SGPL1: variants seen among roughly 807,000 people sequenced by gnomAD.
SGPL1 encodes sphingosine-1-phosphate lyase 1, also known as SP-lyase 1.
Under a neutral mutation model 68.9 loss-of-function variants are expected in SGPL1, and 37 were observed. The observed-to-expected ratio is 0.54, with a 90% CI of 0.41 to 0.71. The LOEUF (loss-of-function observed/expected upper bound fraction) is 0.71. SGPL1 is among the 30% of genes least tolerant of loss of function. The pLI is 0.00. For missense variants in SGPL1, 551 were observed against 704.6 expected (o/e 0.78, Z 2.47); for synonymous variants, 236 against 248.5 (o/e 0.95, Z 0.47).
At chr10:70,840,598 A>G (rs901143661) in intron 2 of SGPL1, among the ~76,000 whole-genome samples, 1 of 152,110 alleles carries the variant, frequency 6.6e-6, no homozygotes, top group Non-Finnish European at 1.5e-5. Context: ...TTCTGTGATC[A>G]ACTAGTTGAC....
At chr10:70,827,753 A>T (rs1338909654) in intron 2 of SGPL1, among the ~76,000 whole-genome samples, 2 of 152,206 alleles carry the variant, frequency 1.3e-5, no homozygotes, top group East Asian at 3.8e-4. Flanking sequence ...ATATTTATGT[A>T]TGAATATACT....
chr10:70,817,582 C>T (rs979542712), intron 2 of SGPL1, among the ~76,000 whole-genome samples: 2 of 152,140 alleles, frequency 1.3e-5, no homozygotes, highest in African/African-American at 4.8e-5. Context: ...GGACTAGGAG[C>T]ACAGGTCACC....
intron 2 of SGPL1, among the ~76,000 whole-genome samples, chr10:70,823,062 A>C (rs1845369490): frequency 6.6e-6 from 1 of 151,742 alleles, no homozygotes; most frequent in Non-Finnish European, 1.5e-5. Context: ...AGTTTAAAAC[A>C]AAGAATCAGC....
intron 8 of SGPL1, among the ~76,000 whole-genome samples, 184 bp downstream of exon 8, chr10:70,868,617 C>G (rs1846236700): frequency 6.6e-6 from 1 of 152,124 alleles, no homozygotes; most frequent in African/African-American, 2.4e-5. Flanking sequence ...CTAAATGGAT[C>G]AGCCAGTTAT....
Position 70,871,100 on chromosome 10 carries a change from C to T in SGPL1, c.863C>T (p.Pro288Leu). 1 of 1,614,010 alleles carries T rather than the reference C, an allele frequency of 6.2e-7. No homozygotes were observed. The highest frequency in any genetic ancestry group is 8.5e-7 in the Non-Finnish European group (1 of 1,179,900). Reference protein sequence around the residue: ...RNTAMLVCSTPQFPHGVIDPV... With the variant: ...RNTAMLVCSTLQFPHGVIDPV... ...ACTGCCATGCTCGTCTGTTCTACCC[C>T]ACAGTTTCCTCATGGTGTAATAGAT... The change falls in exon 10 of 15, where the codon CCA becomes CTA. Residue 288 changes from proline (P) to leucine (L), a missense_variant. Physicochemically the swap from Pro to Leu is moderately conservative, Grantham distance 98. Transcript: ENST00000373202.
intron 2 of SGPL1, among the ~76,000 whole-genome samples, chr10:70,821,659 A>T (rs149674351): frequency 1.4e-3 from 214 of 152,350 alleles, no homozygotes; most frequent in African/African-American, 5.0e-3. Flanking sequence ...TACAACGCAC[A>T]GTTTCCTGCA....
At chr10:70,854,898 G>C in intron 5 of SGPL1, 43 bp downstream of exon 5, 1 of 1,496,598 alleles carries the variant, frequency 6.7e-7, no homozygotes, top group Non-Finnish European at 8.9e-7. Flanking sequence ...TCCTTAAAGA[G>C]ACAGGTTTTG....
intron 7 of SGPL1, 68 bp downstream of exon 7, chr10:70,859,567 TATTA>T: frequency 7.8e-6 from 6 of 773,464 alleles, no homozygotes; most frequent in African/African-American, 1.9e-5. Flanking sequence ...TTTTAATAAA[TATTA>T]ATTATATTTT....
chr10:70,848,761 C>T (rs759951610), intron 3 of SGPL1, among the ~76,000 whole-genome samples: 3 of 152,136 alleles, frequency 2.0e-5, no homozygotes, highest in Non-Finnish European at 4.4e-5. Context: ...CACACCTGGC[C>T]TCATGTACCT....
At chr10:70,839,497 T>C (rs944258721) in intron 2 of SGPL1, among the ~76,000 whole-genome samples, 1 of 152,092 alleles carries the variant, frequency 6.6e-6, no homozygotes, top group Non-Finnish European at 1.5e-5. Flanking sequence ...CACACACATA[T>C]ACAGATACAG....
At chr10:70,861,996 C>A (rs1846069265) in intron 7 of SGPL1, among the ~76,000 whole-genome samples, 1 of 152,242 alleles carries the variant, frequency 6.6e-6, no homozygotes, top group Non-Finnish European at 1.5e-5. Flanking sequence ...GGCGCCCAGT[C>A]CCATCGACCA....
At chr10:70,860,204 C>G (rs1846027562) in intron 7 of SGPL1, among the ~76,000 whole-genome samples, 1 of 152,056 alleles carries the variant, frequency 6.6e-6, no homozygotes, top group South Asian at 2.1e-4. Context: ...GATCTGTTGT[C>G]TTTAGAAAAA....
chr10:70,879,704 G>A lies in SGPL1; in HGVS notation c.*2369G>A, dbSNP rs1440822406. 2 of 152,552 alleles carry A rather than the reference G, an allele frequency of 1.3e-5. No individual in the cohort carries two copies. The highest frequency in any genetic ancestry group is 2.1e-4 in the South Asian group (1 of 4,828). 9.4% of individuals were successfully genotyped at this position (152,552 alleles called of 1,614,324 possible). On this transcript the variant is annotated 3_prime_UTR_variant, in exon 15 of 15. Coordinates refer to ENST00000373202, the MANE Select transcript of SGPL1 (RefSeq NM_003901.4). ...CAACATTGGTGCCAGGGGAGATGGT[G>A]TTTTTCAAAGGGACCTACTGTAGCC...
intron 3 of SGPL1, among the ~76,000 whole-genome samples, chr10:70,847,904 C>G (rs544086965): frequency 6.6e-6 from 1 of 152,178 alleles, no homozygotes; most frequent in Non-Finnish European, 1.5e-5. Flanking sequence ...AACACTGAAT[C>G]CCTCTTGAGG....
At chr10:70,821,797 T>G (rs1335019134) in intron 2 of SGPL1, among the ~76,000 whole-genome samples, 1 of 152,184 alleles carries the variant, frequency 6.6e-6, no homozygotes, top group Non-Finnish European at 1.5e-5. Context: ...GTGATTCCCT[T>G]CTTGGAGGTT....
rs191581934 is a variant in SGPL1 at position 70,879,444 on chromosome 10, G to A, written c.*2109G>A. 5.3e-4 allele frequency: 81 copies of A among 153,410 alleles called. 1 individual carries two copies. The East Asian group carries it at 0.011, about 21-fold the overall frequency. The allele number at this position is 153,410 out of a possible 1,614,324, so 9.5% of individuals were successfully genotyped here. A position where few individuals can be genotyped will look rare whatever the true frequency, so the allele number is the denominator to read the frequency against. On this transcript the variant is annotated 3_prime_UTR_variant, in exon 15 of 15. Coordinates refer to ENST00000373202, the MANE Select transcript of SGPL1 (RefSeq NM_003901.4). ...CAGCAGTGCATTGTGGGTTCCAAGA[G>A]TGGGTAGTGTGTGTATGTGTGTGTG...
At position 70,854,803 on chromosome 10, in the gene SGPL1, G is replaced by C. The variant is rs752362381; in HGVS notation, c.357G>C (p.Gln119His). 1.9e-6 allele frequency: 3 copies of C among 1,613,888 alleles called. No individual in the cohort carries two copies. In the South Asian group the frequency reaches 3.3e-5, roughly 18 times the overall value. The change falls in exon 5 of 15, where the codon CAG becomes CAC. Residue 119 changes from glutamine to histidine, a missense_variant. Transcript: ENST00000373202. Reference sequence around the variant, plus strand: ...AGTATGTGAAAGCTTTACCCTCCCAGGGTCTGAGCTCATCTGCTGTTTTGG... The same window carrying C: ...AGTATGTGAAAGCTTTACCCTCCCACGGTCTGAGCTCATCTGCTGTTTTGG... ...DKEYVKALPS[Q>H]GLSSSAVLEK...
Position 70,844,654 on chromosome 10 carries a change from C to T in SGPL1, c.193+16C>T. On this transcript the variant is annotated intron_variant, in intron 3 of 14. Coordinates refer to ENST00000373202, the MANE Select transcript of SGPL1 (RefSeq NM_003901.4). ...CAGCCAGAGAGTAAGTATGCTGTCT[C>T]CTCTGTAAAGGTATAGTGGTGTGTC... 6.2e-7 allele frequency: 1 copy of T among 1,611,368 alleles called. No individual in the cohort carries two copies. The highest frequency in any genetic ancestry group is 1.1e-5 in the South Asian group (1 of 90,978).
chr10:70,824,623 C>T (rs373155464), intron 2 of SGPL1, among the ~76,000 whole-genome samples: 3 of 152,078 alleles, frequency 2.0e-5, no homozygotes, highest in African/African-American at 7.2e-5. Flanking sequence ...AACAAAAAAA[C>T]CCTCATGCCT....
Sources: gnomAD v4.1 joint callset for allele counts (sites outside exome capture counted in the v4.1 genomes callset) on GRCh38, gnomAD v4.1.1 for gene constraint, MANE v1.5 for transcripts, NCBI Gene and HGNC (gene_info 2026-07-23, HGNC 2026-07-21) for gene names.